Variants in AKAP9 observed in about 807,000 individuals in gnomAD.
AKAP9 encodes the protein A-kinase anchoring protein 9, also known as A-kinase anchor protein 9.
In AKAP9, 311 loss-of-function variants were observed where a neutral mutation model predicts 488.5. That is an observed-to-expected ratio of 0.64 (90% CI 0.58 to 0.70). The LOEUF is 0.70. Among genes scored for constraint, AKAP9 ranks in the 30% least tolerant of loss-of-function variants. AKAP9 has a pLI of 0.00. For synonymous variants in AKAP9, 1,462 were observed against 1,483.5 expected, an observed-to-expected ratio of 0.99 and a Z score of 0.33; for missense variants, 4,215 against 4,374.5, an observed-to-expected ratio of 0.96 and a Z score of 1.03.
chr7:92,068,388 GA>G (rs1261681486), intron 26 of AKAP9, among the ~76,000 whole-genome samples: 2 of 133,342 alleles, frequency 1.5e-5, no homozygotes, highest in African/African-American at 2.8e-5. Context: ...AAAAAAAAAA[GA>G]AAAAAGTTAT....
At chr7:91,961,975 T>C (rs1207047998) in intron 1 of AKAP9, among the ~76,000 whole-genome samples, 1 of 152,248 alleles carries the variant, frequency 6.6e-6, no homozygotes, top group Non-Finnish European at 1.5e-5. Context: ...ATGGACATAA[T>C]ATCTTTCCAG....
chr7:91,999,473 G>C (rs1166370928), intron 7 of AKAP9, among the ~76,000 whole-genome samples: 1 of 152,170 alleles, frequency 6.6e-6, no homozygotes. Flanking sequence ...TTTACAATGA[G>C]AAATCATTAT....
intron 14 of AKAP9, among the ~76,000 whole-genome samples, chr7:92,024,283 G>T (rs1042245170): frequency 6.6e-6 from 1 of 151,452 alleles, no homozygotes; most frequent in Non-Finnish European, 1.5e-5. Context: ...ATGGTGGCAT[G>T]CACCTGTAAT....
At chr7:91,956,028 C>T (rs940939991) in intron 1 of AKAP9, among the ~76,000 whole-genome samples, 1 of 152,022 alleles carries the variant, frequency 6.6e-6, no homozygotes, top group Non-Finnish European at 1.5e-5. Flanking sequence ...GTTTCCTCAT[C>T]AATAAACACA....
chr7:92,104,013 A>G (rs1261123712), intron 46 of AKAP9, among the ~76,000 whole-genome samples: 1 of 152,102 alleles, frequency 6.6e-6, no homozygotes, highest in African/African-American at 2.4e-5. Flanking sequence ...CCAAGACTCA[A>G]ACTACTTTGA....
At chr7:91,956,001 AAG>A (rs1792942436) in intron 1 of AKAP9, among the ~76,000 whole-genome samples, 1 of 152,156 alleles carries the variant, frequency 6.6e-6, no homozygotes, top group African/African-American at 2.4e-5. Flanking sequence ...CATTTTCCAT[AAG>A]AACATTTTAG....
chr7:91,961,052 A>G (rs1793670722), intron 1 of AKAP9, among the ~76,000 whole-genome samples: 2 of 152,242 alleles, frequency 1.3e-5, no homozygotes, highest in South Asian at 4.1e-4. Context: ...TTAAGATCAT[A>G]TATTTTGACA....
At chr7:92,084,378 A>G (rs748276527) in intron 33 of AKAP9, among the ~76,000 whole-genome samples, 4 of 152,050 alleles carry the variant, frequency 2.6e-5, no homozygotes, top group South Asian at 2.1e-4. Context: ...AAATCTTTCC[A>G]TTGCATAGAG....
rs1056194624 is a variant in AKAP9 at position 92,016,125 on chromosome 7, A to G, written c.3613-4A>G. The G allele has an allele frequency of 1.2e-6, 2 of 1,600,118 alleles. No individual in the cohort carries two copies. Among genetic ancestry groups the G allele is most frequent in the African/African-American group, 1.3e-5 (1 of 74,734 alleles). ...CTTAAAATACACAATTTTGTTGTTA[A>G]CAGACTTTATGCAGTGTCCTTGGTG... On this transcript the variant is annotated splice_region_variant and splice_polypyrimidine_tract_variant and intron_variant, in intron 10 of 49. Coordinates refer to ENST00000356239, the MANE Select transcript of AKAP9 (RefSeq NM_005751.5).
At chr7:92,058,385 A>C in intron 22 of AKAP9, 1 of 553,470 alleles carries the variant, frequency 1.8e-6, no homozygotes. Flanking sequence ...GCTTATTTCT[A>C]AAATTTCACT....
At chr7:92,022,118 A>C in intron 12 of AKAP9, 120 bp from the exon 13 acceptor site, 2 of 753,516 alleles carry the variant, frequency 2.7e-6, no homozygotes, top group Admixed American at 3.9e-5. Flanking sequence ...CTTGTATTAG[A>C]GTGCCACAAT....
chr7:92,052,668 C>G, intron 21 of AKAP9, 58 bp from the exon 22 acceptor site: 1 of 1,246,446 alleles, frequency 8.0e-7, no homozygotes, highest in Non-Finnish European at 1.1e-6. Flanking sequence ...TGTTTTATAA[C>G]TTTAAAAAAT....
At chr7:91,987,081 C>T (rs1262585893) in intron 3 of AKAP9, among the ~76,000 whole-genome samples, 3 of 151,852 alleles carry the variant, frequency 2.0e-5, no homozygotes, top group Admixed American at 6.6e-5. Context: ...GCTATCTTAC[C>T]GTGTGGAATA....
rs748461520 is a variant in AKAP9, at chr7:92,002,676, A to G, written c.2759A>G (p.Asp920Gly). 1.9e-6 allele frequency: 3 copies of G among 1,613,414 alleles called. No homozygotes were observed. Among genetic ancestry groups the G allele is most frequent in the East Asian group, 4.5e-5 (2 of 44,842 alleles). The change falls in exon 8 of 50, where the codon GAC becomes GGC. Residue 920 changes from aspartate (D) to glycine (G), a missense_variant. Asp to Gly is a moderately conservative substitution (Grantham distance 94). Around this residue, in one of 5 missense-constraint regions of AKAP9, gnomAD observed 2,361 missense variants for 2,430.0 expected, o/e 0.97. Coordinates refer to ENST00000356239, the MANE Select transcript of AKAP9 (RefSeq NM_005751.5). ...VKMKSSVFDE[D>G]KTFVAETLEM... Reference sequence around the variant, plus strand: ...ATGAAAAGTTCTGTCTTTGATGAAGACAAAACTTTTGTAGCAGAAACATTG... The same window carrying G: ...ATGAAAAGTTCTGTCTTTGATGAAGGCAAAACTTTTGTAGCAGAAACATTG...
intron 3 of AKAP9, among the ~76,000 whole-genome samples, chr7:91,987,191 G>A (rs1238763357): frequency 6.6e-6 from 1 of 152,110 alleles, no homozygotes; most frequent in Non-Finnish European, 1.5e-5. Flanking sequence ...GCCAAAGTGG[G>A]CGGATCACCT....
chr7:92,094,374 A>G (rs1374845705), intron 39 of AKAP9, among the ~76,000 whole-genome samples: 1 of 151,534 alleles, frequency 6.6e-6, no homozygotes, highest in Admixed American at 6.6e-5. Flanking sequence ...TCTACTAAAA[A>G]TACAAAAAAT....
rs375745269 is a variant in AKAP9, at chr7:92,093,912, A to G, written c.9578+596A>G. ...GTCGCCCAGACTGGAGTGCAATGGC[A>G]TGATATTGGCTCACTGCAACCTCCA... On this transcript the variant is annotated intron_variant, in intron 39 of 49. Transcript: ENST00000356239. 1.3e-4 allele frequency among the ~76,000 whole-genome samples: 20 copies of G among 152,102 alleles called. No homozygotes were observed. The East Asian group carries it at 1.7e-3, about 13-fold the overall frequency.
In AKAP9 at chr7:92,005,576, T is replaced by C. The variant is rs888323060; in HGVS notation, c.3318+2341T>C. 8.5e-5 allele frequency among the ~76,000 whole-genome samples: 13 copies of C among 152,294 alleles called. No individual in the cohort carries two copies. The East Asian group carries it at 1.9e-3, about 23-fold the overall frequency. Reference sequence around the variant, plus strand: ...GATCTTATATCAAATGTCGAGATATTTTATATTTATGATTTATATCAAATG... The same window carrying C: ...GATCTTATATCAAATGTCGAGATATCTTATATTTATGATTTATATCAAATG... On this transcript the variant is annotated intron_variant, in intron 8 of 49. Transcript: ENST00000356239.
chr7:92,094,562 C>T (rs1015828471), intron 39 of AKAP9, among the ~76,000 whole-genome samples: 6 of 147,980 alleles, frequency 4.1e-5, no homozygotes, highest in East Asian at 2.1e-4. Flanking sequence ...GGGCCGGGCG[C>T]GGTGGCTCAT....
Sources: gnomAD v4.1 joint callset for allele counts (sites outside exome capture counted in the v4.1 genomes callset) on GRCh38, gnomAD v4.1.1 for gene constraint, gnomAD v4.1.1 regional missense constraint, MANE v1.5 for transcripts, NCBI Gene and HGNC (gene_info 2026-07-23, HGNC 2026-07-21) for gene names.